Variants in IRAK2 observed in about 807,000 individuals in gnomAD.
IRAK2 encodes the protein interleukin 1 receptor associated kinase 2.
IRAK2 carries 57 observed loss-of-function variants against 72.0 expected under a neutral mutation model. That is an observed-to-expected ratio of 0.79 (90% CI 0.64 to 0.99). IRAK2 has a LOEUF of 0.99. IRAK2 is among the 50% of genes least tolerant of loss of function. The probability of loss-of-function intolerance (pLI) is 0.00; values close to 1 mark genes in which losing one functional copy is unlikely to be tolerated. For synonymous variants in IRAK2, 293 were observed against 312.7 expected (o/e 0.94, Z 0.67); for missense variants, 790 against 794.4 (o/e 0.99, Z 0.07).
chr3:10,210,275 G>C (rs916593241), intron 4 of IRAK2, among the ~76,000 whole-genome samples: 3 of 151,842 alleles, frequency 2.0e-5, no homozygotes, highest in Non-Finnish European at 4.4e-5. Context: ...CAGCTACTTG[G>C]GAGGCTGAGG....
At chr3:10,211,298 C>G (rs144901625) in intron 4 of IRAK2, among the ~76,000 whole-genome samples, 1 of 151,610 alleles carries the variant, frequency 6.6e-6, no homozygotes, top group Non-Finnish European at 1.5e-5. Flanking sequence ...TGTGCCACCA[C>G]GCCTGGCTAA....
chr3:10,234,949 C>A (rs1055387822), intron 11 of IRAK2, among the ~76,000 whole-genome samples: 2 of 152,228 alleles, frequency 1.3e-5, no homozygotes, highest in Non-Finnish European at 2.9e-5. Flanking sequence ...TAGGCCCCTT[C>A]CCCTTTCCTC....
chr3:10,216,346 G>T (rs1697605272), intron 6 of IRAK2, among the ~76,000 whole-genome samples: 1 of 152,158 alleles, frequency 6.6e-6, no homozygotes, highest in South Asian at 2.1e-4. Flanking sequence ...TTGACATTCA[G>T]GTCTGGAGCT....
At chr3:10,182,503 G>C (rs766775371) in intron 2 of IRAK2, among the ~76,000 whole-genome samples, 1 of 150,986 alleles carries the variant, frequency 6.6e-6, no homozygotes, top group South Asian at 2.1e-4. Flanking sequence ...GGATGGTCTC[G>C]ATCTCCTGAC....
rs35298616 is a variant in IRAK2 at position 10,207,992 on chromosome 3, C to CAA, written c.425-1579_425-1578dup. On this transcript the variant is annotated intron_variant, in intron 3 of 12. Transcript: ENST00000256458. ...GGGTGACAGAGTGAGACTCTGTTTCCAAAAAAAAAAAAAAAAAAAGAACAT... is the reference window on the plus strand; with the variant it reads ...GGGTGACAGAGTGAGACTCTGTTTCCAAAAAAAAAAAAAAAAAAAAAGAACAT... Among the ~76,000 whole-genome samples the CAA allele has an allele frequency of 7.2e-3, 679 of 94,804 alleles. 11 individuals are homozygous for CAA. Among genetic ancestry groups the CAA allele is most frequent in the South Asian group, 0.048 (119 of 2,490 alleles). 62.2% of individuals were successfully genotyped at this position (94,804 alleles called of 152,430 possible). A position where few individuals can be genotyped will look rare whatever the true frequency, so the allele number is the denominator to read the frequency against.
Position 10,216,947 on chromosome 3 carries a change from A to G in IRAK2, c.802A>G (p.Asn268Asp). 6.2e-7 allele frequency: 1 copy of G among 1,614,026 alleles called. No individual in the cohort carries two copies. Among genetic ancestry groups the G allele is most frequent in the Middle Eastern group, 1.6e-4 (1 of 6,062 alleles). ...LQICLRCCHP[N>D]VLPVLGFCAA... Reference sequence around the variant, plus strand: ...GCCCGATTCCAGATGCTGCCACCCCAATGTCTTACCTGTGCTGGGCTTCTG... The same window carrying G: ...GCCCGATTCCAGATGCTGCCACCCCGATGTCTTACCTGTGCTGGGCTTCTG... Residue 268 changes from asparagine to aspartate, a missense_variant, in exon 7 of 13, where the codon AAT becomes GAT. By Grantham distance (23) the Asn-to-Asp change is conservative (BLOSUM62 1). Transcript: ENST00000256458.
intron 11 of IRAK2, among the ~76,000 whole-genome samples, chr3:10,238,203 A>C (rs780762222): frequency 7.2e-5 from 11 of 152,144 alleles, no homozygotes; most frequent in African/African-American, 2.4e-4. Flanking sequence ...CAAACAACAG[A>C]GAGGACAGGC....
intron 1 of IRAK2, among the ~76,000 whole-genome samples, chr3:10,173,410 C>T (rs959092367): frequency 3.3e-5 from 5 of 152,142 alleles, no homozygotes; most frequent in Non-Finnish European, 5.9e-5. Flanking sequence ...TCTTGTTTCC[C>T]AAATATTCTA....
intron 2 of IRAK2, among the ~76,000 whole-genome samples, chr3:10,186,783 CTTTTT>C (rs4020034): frequency 2.4e-5 from 3 of 124,732 alleles, no homozygotes; most frequent in Admixed American, 8.0e-5. Flanking sequence ...TCTTTCTTTC[CTTTTT>C]TTTTTTTTTT....
chr3:10,239,811 T>C (rs759743639), intron 12 of IRAK2, among the ~76,000 whole-genome samples: 8 of 151,978 alleles, frequency 5.3e-5, no homozygotes, highest in Admixed American at 3.3e-4. Context: ...CCTGTCTGCC[T>C]CTCCTCTCAA....
intron 9 of IRAK2, 22 bp from the exon 10 acceptor site, chr3:10,226,349 A>G: frequency 6.2e-7 from 1 of 1,607,764 alleles, no homozygotes; most frequent in Non-Finnish European, 8.5e-7. Flanking sequence ...AACCATGCTA[A>G]CTCACGTTCT....
At chr3:10,169,857 A>T (rs1488664375) in intron 1 of IRAK2, among the ~76,000 whole-genome samples, 1 of 152,238 alleles carries the variant, frequency 6.6e-6, no homozygotes, top group Non-Finnish European at 1.5e-5. Context: ...TGTCCATAAA[A>T]TCTTCACAAT....
At chr3:10,229,313 G>T (rs577393692) in intron 10 of IRAK2, among the ~76,000 whole-genome samples, 1 of 152,284 alleles carries the variant, frequency 6.6e-6, no homozygotes, top group South Asian at 2.1e-4. Flanking sequence ...GCAGTGGCAT[G>T]ATTGTAGCTC....
rs1185531097 is a variant in IRAK2, at chr3:10,182,818, TG to T, written c.277+4800del. On this transcript the variant is annotated intron_variant, in intron 2 of 12. Coordinates refer to ENST00000256458, the MANE Select transcript of IRAK2 (RefSeq NM_001570.4). ...CGGAGTCTCTTTCTGTCACTGAGGC[TG>T]GAGTGCAGTAGTGCGATCTCAGCTT... Among the ~76,000 whole-genome samples, 6 of 152,032 alleles carry T rather than the reference TG, an allele frequency of 3.9e-5. No homozygotes were observed. The East Asian group carries it at 9.7e-4, about 25-fold the overall frequency.
At position 10,221,163 on chromosome 3, in the gene IRAK2, C is replaced by T. The variant is rs545816685; in HGVS notation, c.1013+1374C>T. On this transcript the variant is annotated intron_variant, in intron 8 of 12. Transcript: ENST00000256458. ...ATCCCAGCACTTTGGGTGGCCAAGG[C>T]GGGCAGATCACGAGGTCAAGAGATC... 5.4e-5 allele frequency among the ~76,000 whole-genome samples: 8 copies of T among 149,344 alleles called. No homozygotes were observed. In the South Asian group the frequency reaches 6.4e-4, roughly 12 times the overall value.
intron 12 of IRAK2, among the ~76,000 whole-genome samples, chr3:10,240,558 C>CCCCCCCT (rs1274154130): frequency 3.3e-4 from 6 of 18,066 alleles, no homozygotes; most frequent in African/African-American, 1.7e-3. Flanking sequence ...CCCCCCCCGC[C>CCCCCCCT]TTTTTTTTTT....
At chr3:10,241,799 C>G (rs1249628923) in intron 12 of IRAK2, among the ~76,000 whole-genome samples, 1 of 64,006 alleles carries the variant, frequency 1.6e-5, no homozygotes, top group East Asian at 9.3e-4. Context: ...GAGACTCCAT[C>G]TCAAAAAAAA....
At position 10,200,365 on chromosome 3, in the gene IRAK2, T is replaced by C; in HGVS notation, c.278-4T>C. The C allele has an allele frequency of 6.3e-7, 1 of 1,579,166 alleles. No homozygotes were observed. Among genetic ancestry groups the C allele is most frequent in the Non-Finnish European group, 8.6e-7 (1 of 1,159,160 alleles). ...TAATAACTTTCTTTCCACCTTGTTT[T>C]CAGGGAAACCGGCTCCTGAAATCAG... is the stretch of plus-strand genomic sequence containing the variant. On this transcript the variant is annotated splice_region_variant and splice_polypyrimidine_tract_variant and intron_variant, in intron 2 of 12. Transcript: ENST00000256458.
intron 8 of IRAK2, among the ~76,000 whole-genome samples, chr3:10,220,762 T>C (rs1415867392): frequency 6.6e-6 from 1 of 152,008 alleles, no homozygotes; most frequent in African/African-American, 2.4e-5. Flanking sequence ...TTTTATTTGA[T>C]TGCATCAATA....
Sources: gnomAD v4.1 joint callset for allele counts (sites outside exome capture counted in the v4.1 genomes callset) on GRCh38, gnomAD v4.1.1 for gene constraint, MANE v1.5 for transcripts, NCBI Gene and HGNC (gene_info 2026-07-23, HGNC 2026-07-21) for gene names.